LILRB1: variants seen among roughly 807,000 people sequenced by gnomAD.
The protein encoded by LILRB1 is leukocyte immunoglobulin like receptor B1.
In LILRB1, 59 loss-of-function variants were observed where a neutral mutation model predicts 74.6. The observed-to-expected ratio is 0.79, with a 90% CI of 0.64 to 0.98. LILRB1 has a LOEUF of 0.98. LILRB1 is among the 50% of genes least tolerant of loss of function. The pLI, the probability that LILRB1 is intolerant of heterozygous loss-of-function variation, is 0.00. For synonymous variants in LILRB1, 328 were observed against 333.9 expected (o/e 0.98, Z 0.19); for missense variants, 804 against 822.6 (o/e 0.98, Z 0.28).
At position 54,631,299 on chromosome 19, in the gene LILRB1, G is replaced by T; in HGVS notation, c.63G>T (p.Val21=). The T allele has an allele frequency of 6.2e-7, 1 of 1,613,408 alleles. No homozygotes were observed. Among genetic ancestry groups the T allele is most frequent in the South Asian group, 1.1e-5 (1 of 91,050 alleles). ...TGAGTCTGGGCCCCCGGACCCACGTGCAGGCAGGTGAGTCTGTCCCCAGCT... is the reference window on the plus strand; with the variant it reads ...TGAGTCTGGGCCCCCGGACCCACGTTCAGGCAGGTGAGTCTGTCCCCAGCT... ...LGLSLGPRTH[V]QAGHLPKPTL... is the part of the protein sequence containing the mutation. The change falls in exon 3 of 15, where the codon GTG becomes GTT. Residue 21 remains valine (V), a synonymous_variant. Coordinates refer to ENST00000324602, the MANE Select transcript of LILRB1 (RefSeq NM_001081637.3).
At position 54,637,243 on chromosome 19, in the gene LILRB1, T is replaced by G; in HGVS notation, c.*365T>G. The G allele has an allele frequency of 4.5e-6, 1 of 220,702 alleles. No individual in the cohort carries two copies. Among genetic ancestry groups the G allele is most frequent in the Non-Finnish European group, 9.0e-6 (1 of 110,654 alleles). 13.7% of individuals were successfully genotyped at this position (220,702 alleles called of 1,614,324 possible). A position where few individuals can be genotyped will look rare whatever the true frequency, so the allele number is the denominator to read the frequency against. ...GATCTTGGCTTTCCTATAAGAAATTTAGGGCAGGGCACGGTGGCTCACGCC... is the reference window on the plus strand; with the variant it reads ...GATCTTGGCTTTCCTATAAGAAATTGAGGGCAGGGCACGGTGGCTCACGCC... On this transcript the variant is annotated 3_prime_UTR_variant, in exon 15 of 15. Coordinates refer to ENST00000324602, the MANE Select transcript of LILRB1 (RefSeq NM_001081637.3).
intron 1 of LILRB1, among the ~76,000 whole-genome samples, chr19:54,624,393 G>A (rs537292783): frequency 1.3e-5 from 2 of 152,034 alleles, no homozygotes; most frequent in Non-Finnish European, 2.9e-5. Flanking sequence ...GTGGCTGAGG[G>A]CCGTGGGAAA....
In LILRB1 at chr19:54,633,639, ACCGTCTGGGGGC is replaced by A. The variant is rs758072950; in HGVS notation, c.1266_1277del (p.Gly424_Ser427del). 5 of 1,613,234 alleles carry A rather than the reference ACCGTCTGGGGGC, an allele frequency of 3.1e-6. No homozygotes were observed. In the Admixed American group the frequency reaches 8.3e-5, roughly 27 times the overall value. On this transcript the variant is annotated inframe_deletion and splice_region_variant, in exon 8 of 15. Coordinates refer to ENST00000324602, the MANE Select transcript of LILRB1 (RefSeq NM_001081637.3). ...GCCTCCTCTCATTCTTTTACCCAGG[ACCGTCTGGGGGC>A]CCCAGCTCCCCGACAACAGGCCCCA...
upstream of LILRB1, among the ~76,000 whole-genome samples, chr19:54,625,739 G>T (rs537838702): frequency 1.5e-5 from 2 of 137,226 alleles, no homozygotes; most frequent in African/African-American, 5.7e-5. Flanking sequence ...GGGTTAGGGA[G>T]CCTCGCACTC....
chr19:54,633,999 C>A lies in LILRB1; in HGVS notation c.1341C>A (p.Pro447=). The change falls in exon 9 of 15, where the codon CCC becomes CCA. Residue 447 remains proline (P), a synonymous_variant. Transcript: ENST00000324602. ...SAGPEDQPLT[P]TGSDPQSGLG... ...GCCCTGAGGACCAGCCCCTCACCCC[C>A]ACCGGGTCGGATCCCCAGAGTGGTG... The A allele has an allele frequency of 6.3e-7, 1 of 1,598,766 alleles. No individual in the cohort carries two copies.
rs10439082 is a variant in LILRB1, at chr19:54,621,740, C to G, written c.-166+4391C>G. On this transcript the variant is annotated intron_variant, in intron 1 of 15. Transcript: ENST00000396331. ...GGGGGTTTGTTGCATTTTTAAGGGT[C>G]TTTACCATAAGTTCTTTGCCTGGAC... is the stretch of plus-strand genomic sequence containing the variant. 9.6e-3 allele frequency among the ~76,000 whole-genome samples: 1,458 copies of G among 152,024 alleles called. 27 individuals are homozygous for G. Among genetic ancestry groups the G allele is most frequent in the African/African-American group, 0.033 (1,365 of 41,480 alleles).
In LILRB1 at chr19:54,632,394, C is replaced by T. The variant is rs909105302; in HGVS notation, c.662-70C>T. On this transcript the variant is annotated intron_variant, in intron 5 of 14. Transcript: ENST00000324602. ...AGGAAGATCAGCAGTGATGTGGCCC[C>T]GGGGGAAAGGGAAGATTTGTGGGGA... 4.6e-5 allele frequency: 72 copies of T among 1,551,416 alleles called. 1 individual carries two copies. Among genetic ancestry groups the T allele is most frequent in the Admixed American group, 1.7e-4 (9 of 53,296 alleles).
chr19:54,633,424 C>G, intron 7 of LILRB1, 106 bp downstream of exon 7: 1 of 1,454,166 alleles, frequency 6.9e-7, no homozygotes, highest in East Asian at 2.3e-5. Flanking sequence ...GAGAGGGGCT[C>G]AGCCAGTGGG....
chr19:54,627,351 C>T (rs1243076024), upstream of LILRB1, among the ~76,000 whole-genome samples: 1 of 152,190 alleles, frequency 6.6e-6, no homozygotes, highest in African/African-American at 2.4e-5. Flanking sequence ...ACTGCAGACA[C>T]CCAATAGGAA....
Position 54,632,578 on chromosome 19 carries a change from A to C in LILRB1, c.776A>C (p.Lys259Thr), listed in dbSNP as rs367942404. Reference sequence around the variant, plus strand: ...GGCTACAACAGATTTGTTCTGTATAAGGACGGGGAACGTGACTTCCTTCAG... The same window carrying C: ...GGCTACAACAGATTTGTTCTGTATACGGACGGGGAACGTGACTTCCTTCAG... ...DAGYNRFVLY[K>T]DGERDFLQLA... Residue 259 changes from lysine to threonine, a missense_variant, in exon 6 of 15, where the codon AAG becomes ACG. Physicochemically the swap from Lys to Thr is moderately conservative, Grantham distance 78. Transcript: ENST00000324602. 3 of 1,614,024 alleles carry C rather than the reference A, an allele frequency of 1.9e-6. No homozygotes were observed. The African/African-American group carries it at 4.0e-5, about 22-fold the overall frequency.
At chr19:54,630,434 C>A (rs567615244), upstream of LILRB1, 191 of 322,766 alleles carry the variant, frequency 5.9e-4, no homozygotes, top group African/African-American at 3.9e-3. Context: ...TGAAAGAAAA[C>A]CCACAATCCA....
At chr19:54,635,391 G>A in intron 12 of LILRB1, 95 bp downstream of exon 12, 15 of 1,560,888 alleles carry the variant, frequency 9.6e-6, no homozygotes, top group Non-Finnish European at 1.3e-5. Flanking sequence ...GAAAGGGTCT[G>A]GGGCTCAGGG....
chr19:54,626,974 G>A (rs549329917), upstream of LILRB1, among the ~76,000 whole-genome samples: 7 of 152,228 alleles, frequency 4.6e-5, no homozygotes, highest in Non-Finnish European at 7.3e-5. Context: ...TGCACACCCG[G>A]GAAGGTGGCT....
rs1446248421 is a variant in LILRB1, at chr19:54,633,867, G to C, written c.1313-104G>C. On this transcript the variant is annotated intron_variant, in intron 8 of 14. Coordinates refer to ENST00000324602, the MANE Select transcript of LILRB1 (RefSeq NM_001081637.3). ...GAGGCTGGGCTGGTGAGGGGTGGGG[G>C]GTCAAGGCAGAGAGAAATGTTGGGG... 6.7e-6 allele frequency: 10 copies of C among 1,486,742 alleles called. No individual in the cohort carries two copies. The Admixed American group carries it at 2.1e-4, about 31-fold the overall frequency. 92.1% of individuals were successfully genotyped at this position (1,486,742 alleles called of 1,614,324 possible).
Position 54,637,160 on chromosome 19 carries a change from T to A in LILRB1, c.*282T>A. 2.4e-6 allele frequency: 1 copy of A among 411,104 alleles called. No homozygotes were observed. The highest frequency in any genetic ancestry group is 4.3e-6 in the Non-Finnish European group (1 of 232,058). 25.5% of individuals were successfully genotyped at this position (411,104 alleles called of 1,614,324 possible). On this transcript the variant is annotated 3_prime_UTR_variant, in exon 15 of 15. Transcript: ENST00000324602. The stretch of plus-strand genomic sequence containing the variant: ...AATATTACACATCAAGCGATGAAAC[T>A]GGAAAACTACAAGCCACGAATGAAT...
In LILRB1 at chr19:54,621,535, GT is replaced by G. The variant is rs56409367; in HGVS notation, c.-166+4198del. ...TTCCATAAAGTTGTCTGTGTTTTTT[GT>G]TTTTTTTTTTTCATGTTGAATTCTT... On this transcript the variant is annotated intron_variant, in intron 1 of 15. Transcript: ENST00000396331. Among the ~76,000 whole-genome samples, 317 of 145,310 alleles carry G rather than the reference GT, an allele frequency of 2.2e-3. 2 individuals are homozygous for G. The highest frequency in any genetic ancestry group is 6.9e-3 in the African/African-American group (271 of 39,028).
In LILRB1 at chr19:54,632,449, A is replaced by G. The variant is rs2063959877; in HGVS notation, c.662-15A>G. On this transcript the variant is annotated splice_polypyrimidine_tract_variant and intron_variant, in intron 5 of 14. Coordinates refer to ENST00000324602, the MANE Select transcript of LILRB1 (RefSeq NM_001081637.3). ...TGAGGGTCGGCTCCTGGAAACCATG[A>G]CCACCTTTTCCCAGGTGTTTCTAAG... is the stretch of plus-strand genomic sequence containing the variant. 1.3e-6 allele frequency: 2 copies of G among 1,588,128 alleles called. No homozygotes were observed. Among genetic ancestry groups the G allele is most frequent in the African/African-American group, 2.7e-5 (2 of 74,176 alleles).
At chr19:54,636,317 G>A in intron 13 of LILRB1, 177 bp from the exon 14 acceptor site, 1 of 1,286,302 alleles carries the variant, frequency 7.8e-7, no homozygotes, top group Non-Finnish European at 1.1e-6. Context: ...ACGTCAGAGT[G>A]AGGAGCAGAG....
intron 1 of LILRB1, among the ~76,000 whole-genome samples, chr19:54,619,081 CT>C (rs981252532): frequency 2.0e-5 from 3 of 151,688 alleles, no homozygotes; most frequent in East Asian, 3.9e-4. Flanking sequence ...TAATTCAAAG[CT>C]TTTTTAAAAG....
Sources: gnomAD v4.1 joint callset for allele counts (sites outside exome capture counted in the v4.1 genomes callset) on GRCh38, gnomAD v4.1.1 for gene constraint, MANE v1.5 for transcripts, NCBI Gene and HGNC (gene_info 2026-07-23, HGNC 2026-07-21) for gene names.